Variants in IMPG1 observed in about 807,000 individuals in gnomAD.
IMPG1 encodes the protein interphotoreceptor matrix proteoglycan of 150 kDa.
A neutral mutation model predicts 92.0 loss-of-function variants in IMPG1; 85 were observed. The ratio of observed to expected loss-of-function variants is 0.92; its 90% CI spans 0.78 to 1.11. IMPG1 has a LOEUF of 1.11. Ranked by LOEUF, IMPG1 falls within the 50% of genes least tolerant of loss-of-function variation. The pLI is 0.00. For synonymous variants in IMPG1, 367 were observed against 334.1 expected (o/e 1.10, Z -1.08); for missense variants, 1,022 against 956.0 (o/e 1.07, Z -0.91).
At chr6:75,932,156 A>G (rs1429009809) in intron 14 of IMPG1, among the ~76,000 whole-genome samples, 1 of 152,244 alleles carries the variant, frequency 6.6e-6, no homozygotes, top group Non-Finnish European at 1.5e-5. Context: ...TTAGGGGAAA[A>G]TGCGTACAGA....
In IMPG1 at chr6:76,034,783, A is replaced by T. The variant is rs1783709367; in HGVS notation, c.306T>A (p.Cys102Ter). ...GATATGCTTCCCATACTGCTTCCTG[A>T]CACACTGTAATACAGAGTCATTAAT... Reference protein sequence around the residue: ...SLQAYYRLRVCQEAVWEAYRI... With the variant: ...SLQAYYRLRV Residue 102 changes from cysteine to a stop codon, truncating the protein, a stop_gained, in exon 3 of 17, where the codon TGT becomes TGA. Transcript: ENST00000369950. LOFTEE classifies it high-confidence loss of function. The T allele has an allele frequency of 6.2e-7, 1 of 1,613,922 alleles. No homozygotes were observed. Among genetic ancestry groups the T allele is most frequent in the East Asian group, 2.2e-5 (1 of 44,854 alleles).
intron 1 of IMPG1, among the ~76,000 whole-genome samples, chr6:76,046,612 C>G (rs1051392536): frequency 6.6e-6 from 1 of 152,118 alleles, no homozygotes; most frequent in Non-Finnish European, 1.5e-5. Context: ...TACACAGGGC[C>G]TGGAGCTGTC....
intron 12 of IMPG1, among the ~76,000 whole-genome samples, chr6:75,994,527 A>G (rs1328594967): frequency 6.6e-6 from 1 of 152,176 alleles, no homozygotes; most frequent in Non-Finnish European, 1.5e-5. Context: ...GGTTTAATGG[A>G]CTCACAGTTC....
intron 5 of IMPG1, chr6:76,024,862 T>A (rs1415158644): frequency 2.7e-5 from 11 of 408,024 alleles, no homozygotes; most frequent in Non-Finnish European, 5.2e-5. Context: ...TCAGGTTAAG[T>A]GGAAAAAATG....
intron 12 of IMPG1, among the ~76,000 whole-genome samples, chr6:75,981,692 A>G (rs1782630601): frequency 6.6e-6 from 1 of 152,262 alleles, no homozygotes; most frequent in Non-Finnish European, 1.5e-5. Context: ...GCGTCAAAGC[A>G]TTCTGTAAGT....
chr6:75,928,909 T>C (rs1458876337), intron 15 of IMPG1, among the ~76,000 whole-genome samples: 2 of 152,246 alleles, frequency 1.3e-5, no homozygotes, highest in Admixed American at 1.3e-4. Flanking sequence ...TGCTTTCTCA[T>C]TTAATGATAT....
intron 13 of IMPG1, 127 bp from the exon 14 acceptor site, chr6:75,947,660 G>C (rs1177291242): frequency 1.4e-6 from 1 of 702,482 alleles, no homozygotes; most frequent in African/African-American, 1.8e-5. Context: ...TTTGATTTTT[G>C]TTTTTGGATT....
chr6:75,965,891 G>GCCA (rs1782301653), intron 12 of IMPG1, among the ~76,000 whole-genome samples: 1 of 152,200 alleles, frequency 6.6e-6, no homozygotes, highest in Non-Finnish European at 1.5e-5. Context: ...ACAGGCATGA[G>GCCA]CCACCACGCC....
At chr6:76,001,019 G>A (rs1782978150) in intron 12 of IMPG1, among the ~76,000 whole-genome samples, 1 of 152,172 alleles carries the variant, frequency 6.6e-6, no homozygotes, top group Admixed American at 6.5e-5. Flanking sequence ...CCTTGAACAC[G>A]GCACTTCACA....
chr6:76,068,510 C>CTT (rs1160277573), intron 1 of IMPG1, among the ~76,000 whole-genome samples: 1,488 of 110,028 alleles, frequency 0.014, 28 homozygotes, highest in African/African-American at 0.019. Flanking sequence ...AATGTCCATA[C>CTT]TTTTTTTTTT....
rs1228184322 is a variant in IMPG1, at chr6:75,978,912, C to G, written c.1291+24006G>C. Among the ~76,000 whole-genome samples the G allele has an allele frequency of 2.6e-5, 4 of 151,894 alleles. No individual in the cohort carries two copies. The East Asian group carries it at 7.7e-4, about 29-fold the overall frequency. Reference sequence around the variant, plus strand: ...AAACTGTGGCATAGAAAGATAAACACTTTTTTGGGGGGTGGGGAGGACAAG... The same window carrying G: ...AAACTGTGGCATAGAAAGATAAACAGTTTTTTGGGGGGTGGGGAGGACAAG... On this transcript the variant is annotated intron_variant, in intron 12 of 16. Transcript: ENST00000369950.
intron 12 of IMPG1, among the ~76,000 whole-genome samples, chr6:75,956,133 C>T (rs960066878): frequency 6.6e-6 from 1 of 152,060 alleles, no homozygotes; most frequent in African/African-American, 2.4e-5. Flanking sequence ...GGGAGGATGC[C>T]CTCTTTTTCT....
chr6:76,019,717 G>A (rs1040163677), intron 6 of IMPG1, among the ~76,000 whole-genome samples: 75 of 152,346 alleles, frequency 4.9e-4, no homozygotes, highest in African/African-American at 1.8e-3. Flanking sequence ...CTGTATGGGT[G>A]TAGCATGGTG....
chr6:76,015,499 C>T (rs12211334), intron 7 of IMPG1, among the ~76,000 whole-genome samples: 3,101 of 152,176 alleles, frequency 0.02, 40 homozygotes, highest in Non-Finnish European at 0.033. Flanking sequence ...TTTTCAGAGG[C>T]TAGCAAGACA....
At chr6:75,937,883 T>A (rs972838143) in intron 14 of IMPG1, among the ~76,000 whole-genome samples, 4 of 152,162 alleles carry the variant, frequency 2.6e-5, no homozygotes, top group African/African-American at 9.7e-5. Flanking sequence ...AAGGAGAGAA[T>A]AAGTTATATG....
intron 10 of IMPG1, among the ~76,000 whole-genome samples, chr6:76,005,018 T>C (rs1276740867): frequency 1.3e-5 from 2 of 152,222 alleles, no homozygotes; most frequent in Non-Finnish European, 2.9e-5. Context: ...TTCTTTTCTC[T>C]GCCTTCGTTC....
chr6:76,053,421 A>T (rs757840959), intron 1 of IMPG1, among the ~76,000 whole-genome samples: 15 of 152,216 alleles, frequency 9.9e-5, no homozygotes, highest in Non-Finnish European at 2.1e-4. Context: ...GACAACAAGT[A>T]ACAAGAATTC....
At position 75,951,059 on chromosome 6, in the gene IMPG1, A is replaced by T; in HGVS notation, c.1327T>A (p.Ser443Thr). Reference protein sequence around the residue: ...SWSPPAMASTSLSEAPPFFMA... With the variant: ...SWSPPAMASTTLSEAPPFFMA... ...AAGAAAGGTGGAGCTTCTGACAGGGAGGTAGAGGCCATAGCAGGTGGAGAC... is the reference window on the plus strand; with the variant it reads ...AAGAAAGGTGGAGCTTCTGACAGGGTGGTAGAGGCCATAGCAGGTGGAGAC... Residue 443 changes from serine to threonine, a missense_variant, in exon 13 of 17, where the codon TCC becomes ACC. Transcript: ENST00000369950. 1 of 1,613,442 alleles carries T rather than the reference A, an allele frequency of 6.2e-7. No homozygotes were observed. The highest frequency in any genetic ancestry group is 1.1e-5 in the South Asian group (1 of 90,994).
In IMPG1 at chr6:76,031,861, T is replaced by G. The variant is rs140184464; in HGVS notation, c.497+2454A>C. Among the ~76,000 whole-genome samples, 820 of 152,314 alleles carry G rather than the reference T, an allele frequency of 5.4e-3. 6 individuals carry two copies. Among genetic ancestry groups the G allele is most frequent in the African/African-American group, 0.019 (781 of 41,568 alleles). Reference sequence around the variant, plus strand: ...TGTGCAGGACTCTGTGGGATGACGTTTTCTTGTCCTTTACTAAAAGATGTC... The same window carrying G: ...TGTGCAGGACTCTGTGGGATGACGTGTTCTTGTCCTTTACTAAAAGATGTC... On this transcript the variant is annotated intron_variant, in intron 4 of 16. Coordinates refer to ENST00000369950, the MANE Select transcript of IMPG1 (RefSeq NM_001563.4).
Sources: gnomAD v4.1 joint callset for allele counts (sites outside exome capture counted in the v4.1 genomes callset) on GRCh38, gnomAD v4.1.1 for gene constraint, MANE v1.5 for transcripts, NCBI Gene and HGNC (gene_info 2026-07-23, HGNC 2026-07-21) for gene names.